The following ADAMTSL1 variants were observed in gnomAD, a reference collection of about 807,000 sequenced individuals.
ADAMTSL1 encodes the protein ADAMTS-like protein 1.
In ADAMTSL1, 126 loss-of-function variants were observed where a neutral mutation model predicts 201.8. That is an observed-to-expected ratio of 0.62 (90% CI 0.54 to 0.72). The LOEUF (loss-of-function observed/expected upper bound fraction) is 0.72, where lower values mean the gene tolerates loss of function less well. Ranked by LOEUF, ADAMTSL1 falls within the 30% of genes least tolerant of loss-of-function variation. The probability of loss-of-function intolerance (pLI) is 0.00; values close to 1 mark genes in which losing one functional copy is unlikely to be tolerated. For missense variants in ADAMTSL1, 2,679 were observed against 2,277.8 expected, an observed-to-expected ratio of 1.18 and a Z score of -3.59; for synonymous variants, 1,121 against 903.4, an observed-to-expected ratio of 1.24 and a Z score of -4.32.
rs139269453 is a variant in ADAMTSL1 at position 18,657,656 on chromosome 9, C to T, written c.852C>T (p.Ser284=). ...DFIVKIRNSG[S]ADSTVQFIFY... Reference sequence around the variant, plus strand: ...TCCTGCAGATTCGTAACTCGGGCTCCGCTGACAGTACAGTCCAGTTCATCT... The same window carrying T: ...TCCTGCAGATTCGTAACTCGGGCTCTGCTGACAGTACAGTCCAGTTCATCT... The change falls in exon 8 of 29, where the codon TCC becomes TCT. Residue 284 remains serine, a synonymous_variant. Coordinates refer to ENST00000380548, the MANE Select transcript of ADAMTSL1 (RefSeq NM_001040272.6). 89 of 1,614,150 alleles carry T rather than the reference C, an allele frequency of 5.5e-5. 1 individual carries two copies. The Middle Eastern group carries it at 3.6e-3, about 66-fold the overall frequency.
At chr9:18,092,837 T>TCTTTAAG (rs1824086700) in intron 1 of ADAMTSL1, among the ~76,000 whole-genome samples, 1 of 152,256 alleles carries the variant, frequency 6.6e-6, no homozygotes, top group South Asian at 2.1e-4. Context: ...CTTTAAGATT[T>TCTTTAAG]GTAATGAAAA....
At chr9:18,697,993 C>T (rs961760667) in intron 13 of ADAMTSL1, among the ~76,000 whole-genome samples, 4 of 152,112 alleles carry the variant, frequency 2.6e-5, no homozygotes, top group African/African-American at 4.8e-5. Flanking sequence ...GTTTCCTCAT[C>T]GGTCTATTAA....
At chr9:18,901,718 C>T (rs1220662071) in intron 26 of ADAMTSL1, among the ~76,000 whole-genome samples, 2 of 151,998 alleles carry the variant, frequency 1.3e-5, no homozygotes, top group African/African-American at 4.8e-5. Context: ...CAACTAATCA[C>T]AAAAGACAAC....
At chr9:18,090,100 A>C (rs1823944969) in intron 1 of ADAMTSL1, among the ~76,000 whole-genome samples, 1 of 152,118 alleles carries the variant, frequency 6.6e-6, no homozygotes, top group Admixed American at 6.6e-5. Flanking sequence ...TCTATTATGA[A>C]AAAGAAAAAG....
chr9:18,080,916 G>T (rs897629333), intron 1 of ADAMTSL1, among the ~76,000 whole-genome samples: 49 of 152,104 alleles, frequency 3.2e-4, no homozygotes, highest in Non-Finnish European at 5.6e-4. Flanking sequence ...AAAATTATTT[G>T]TAACCGTAAT....
At chr9:18,477,522 G>A (rs1821512435) in intron 1 of ADAMTSL1, among the ~76,000 whole-genome samples, 1 of 152,144 alleles carries the variant, frequency 6.6e-6, no homozygotes, top group Non-Finnish European at 1.5e-5. Flanking sequence ...TGGAATGAAT[G>A]TTAAGTCCCT....
At chr9:18,667,963 T>C (rs1328014711) in intron 9 of ADAMTSL1, among the ~76,000 whole-genome samples, 2 of 152,134 alleles carry the variant, frequency 1.3e-5, no homozygotes, top group Non-Finnish European at 2.9e-5. Flanking sequence ...CACAAGTGTC[T>C]GATAACCTCT....
At chr9:18,663,849 A>G (rs915452839) in intron 9 of ADAMTSL1, among the ~76,000 whole-genome samples, 1 of 151,956 alleles carries the variant, frequency 6.6e-6, no homozygotes, top group South Asian at 2.1e-4. Flanking sequence ...ATTTTTACCC[A>G]CTCTTGTCTG....
At chr9:18,258,698 C>T (rs981653453) in intron 2 of ADAMTSL1, among the ~76,000 whole-genome samples, 1 of 152,158 alleles carries the variant, frequency 6.6e-6, no homozygotes, top group Admixed American at 6.5e-5. Flanking sequence ...CTTCCAGTAG[C>T]GCTTCTGTGT....
intron 2 of ADAMTSL1, among the ~76,000 whole-genome samples, chr9:18,420,967 G>C (rs1289479433): frequency 3.3e-5 from 5 of 152,172 alleles, no homozygotes; most frequent in African/African-American, 1.2e-4. Flanking sequence ...GATCATAGGA[G>C]AAGGAACGGA....
chr9:17,954,163 A>C (rs1051583129), intron 1 of ADAMTSL1, among the ~76,000 whole-genome samples: 1 of 152,180 alleles, frequency 6.6e-6, no homozygotes, highest in Non-Finnish European at 1.5e-5. Context: ...TTTTTACAGC[A>C]TGGGAAGAAT....
At chr9:17,963,859 T>C (rs970123621) in intron 1 of ADAMTSL1, among the ~76,000 whole-genome samples, 4 of 152,142 alleles carry the variant, frequency 2.6e-5, no homozygotes, top group African/African-American at 7.2e-5. Flanking sequence ...AAGAGCCAAA[T>C]TTTTTAAAAA....
At chr9:18,178,588 A>G (rs1463923250) in intron 2 of ADAMTSL1, among the ~76,000 whole-genome samples, 1 of 151,772 alleles carries the variant, frequency 6.6e-6, no homozygotes, top group Non-Finnish European at 1.5e-5. Context: ...ACAGACAAAC[A>G]AAAAGACAGC....
At chr9:18,012,835 A>G (rs1820108773) in intron 1 of ADAMTSL1, among the ~76,000 whole-genome samples, 2 of 152,042 alleles carry the variant, frequency 1.3e-5, no homozygotes, top group African/African-American at 2.4e-5. Context: ...AATGAGAAGA[A>G]AAAATAAAGA....
At chr9:18,245,078 T>A (rs901194097) in intron 2 of ADAMTSL1, among the ~76,000 whole-genome samples, 7 of 152,124 alleles carry the variant, frequency 4.6e-5, no homozygotes, top group Non-Finnish European at 1.0e-4. Flanking sequence ...CAAGTTAAGG[T>A]CTGTTGAGCT....
intron 2 of ADAMTSL1, among the ~76,000 whole-genome samples, chr9:18,367,742 C>T (rs149654061): frequency 1.8e-4 from 27 of 152,052 alleles, no homozygotes; most frequent in South Asian, 2.1e-4. Context: ...AACTTTTAGG[C>T]ACAGAATTAC....
chr9:18,020,671 A>G (rs750764855), intron 1 of ADAMTSL1, among the ~76,000 whole-genome samples: 6 of 152,080 alleles, frequency 3.9e-5, no homozygotes, highest in Non-Finnish European at 8.8e-5. Context: ...CCTGGGGATT[A>G]CAATTCAAGA....
intron 1 of ADAMTSL1, among the ~76,000 whole-genome samples, chr9:18,087,878 A>G (rs1190941430): frequency 6.6e-6 from 1 of 152,176 alleles, no homozygotes. Context: ...TTTGGATGAA[A>G]TAGAAAGCAG....
intron 2 of ADAMTSL1, among the ~76,000 whole-genome samples, chr9:18,513,139 A>G (rs1318404031): frequency 9.9e-5 from 15 of 151,920 alleles, no homozygotes; most frequent in Admixed American, 9.8e-4. Context: ...TTTTATTTTT[A>G]TTTTTTATTG....
Sources: gnomAD v4.1 joint callset for allele counts (sites outside exome capture counted in the v4.1 genomes callset) on GRCh38, gnomAD v4.1.1 for gene constraint, MANE v1.5 for transcripts, NCBI Gene and HGNC (gene_info 2026-07-23, HGNC 2026-07-21) for gene names.